EYS: variants seen among roughly 807,000 people sequenced by gnomAD.
EYS encodes the protein EGF-like photoreceptor maintenance factor.
A neutral mutation model predicts 282.1 loss-of-function variants in EYS; 250 were observed. The ratio of observed to expected loss-of-function variants is 0.89; its 90% CI spans 0.80 to 0.98. The LOEUF (loss-of-function observed/expected upper bound fraction) is 0.98, where lower values mean the gene tolerates loss of function less well. Among genes scored for constraint, EYS ranks in the 50% least tolerant of loss-of-function variants. EYS has a pLI of 0.00. For missense variants in EYS, 4,016 were observed against 3,709.0 expected (o/e 1.08, Z -2.15); for synonymous variants, 1,355 against 1,282.9 (o/e 1.06, Z -1.20).
chr6:64,383,891 T>A (rs1772825757), intron 29 of EYS, among the ~76,000 whole-genome samples: 1 of 152,164 alleles, frequency 6.6e-6, no homozygotes, highest in African/African-American at 2.4e-5. Flanking sequence ...TTGACACGCA[T>A]CCTTTTACAG....
intron 35 of EYS, among the ~76,000 whole-genome samples, chr6:63,929,515 C>T (rs1423789841): frequency 6.6e-6 from 1 of 152,120 alleles, no homozygotes; most frequent in African/African-American, 2.4e-5. Flanking sequence ...ATTACTAAAC[C>T]CAGCATTTTG....
intron 36 of EYS, among the ~76,000 whole-genome samples, chr6:63,861,466 AG>A (rs1302115355): frequency 6.6e-6 from 1 of 152,222 alleles, no homozygotes; most frequent in Non-Finnish European, 1.5e-5. Flanking sequence ...GATACACAAA[AG>A]TCACTAGCCC....
intron 15 of EYS, among the ~76,000 whole-genome samples, chr6:64,937,269 G>A (rs1554219736): frequency 6.6e-6 from 1 of 151,330 alleles, no homozygotes; most frequent in Non-Finnish European, 1.5e-5. Context: ...GATATGAAAA[G>A]CAAAAGTGGC....
chr6:64,749,738 A>G lies in EYS; in HGVS notation c.3443+63640T>C, dbSNP rs546983566. On this transcript the variant is annotated intron_variant, in intron 22 of 42. Transcript: ENST00000503581. ...ATTTGAACAACTTGGACTAGAAACT[A>G]TGAACAGGAATCGATAGCCCAGGTT... 3.3e-5 allele frequency among the ~76,000 whole-genome samples: 5 copies of G among 152,316 alleles called. No homozygotes were observed. In the South Asian group the frequency reaches 1.0e-3, roughly 32 times the overall value.
At chr6:64,617,559 T>A (rs1459848500) in intron 23 of EYS, 26 bp from the exon 24 acceptor site, 15 of 1,310,270 alleles carry the variant, frequency 1.1e-5, no homozygotes, top group Non-Finnish European at 1.5e-5. Flanking sequence ...ACAAAGCAGA[T>A]ATGCAATTTT....
chr6:65,578,081 T>C (rs1233240200), intron 2 of EYS, among the ~76,000 whole-genome samples: 2 of 151,848 alleles, frequency 1.3e-5, no homozygotes, highest in Admixed American at 6.6e-5. Context: ...AATAGGGATA[T>C]ATCCAAAGAG....
At chr6:64,934,465 A>G (rs188081280) in intron 15 of EYS, among the ~76,000 whole-genome samples, 1 of 152,002 alleles carries the variant, frequency 6.6e-6, no homozygotes, top group East Asian at 1.9e-4. Flanking sequence ...GTTAATCATG[A>G]TAGTCAAACT....
At chr6:64,668,245 A>G (rs539074909) in intron 22 of EYS, among the ~76,000 whole-genome samples, 17 of 152,246 alleles carry the variant, frequency 1.1e-4, no homozygotes, top group Non-Finnish European at 2.2e-4. Flanking sequence ...AAAAGTGTTT[A>G]ATGATCAAAA....
intron 29 of EYS, among the ~76,000 whole-genome samples, chr6:64,382,869 G>A (rs984870597): frequency 6.6e-6 from 1 of 152,178 alleles, no homozygotes; most frequent in Non-Finnish European, 1.5e-5. Context: ...TAAAAAATGG[G>A]AAGAGTGGTG....
At chr6:64,557,235 CACACACA>C (rs1765262807) in intron 26 of EYS, among the ~76,000 whole-genome samples, 1 of 150,888 alleles carries the variant, frequency 6.6e-6, no homozygotes, top group Non-Finnish European at 1.5e-5. Flanking sequence ...CACACACACA[CACACACA>C]CACACACACA....
At chr6:65,231,159 T>A (rs545919162) in intron 12 of EYS, among the ~76,000 whole-genome samples, 2 of 145,754 alleles carry the variant, frequency 1.4e-5, no homozygotes, top group African/African-American at 5.0e-5. Flanking sequence ...ATATATACTT[T>A]TATATATATA....
chr6:65,345,241 A>G (rs1303429960), intron 9 of EYS, among the ~76,000 whole-genome samples: 3 of 151,850 alleles, frequency 2.0e-5, no homozygotes, highest in South Asian at 4.1e-4. Flanking sequence ...ACAGAAAATT[A>G]TGGCTATGTT....
intron 11 of EYS, among the ~76,000 whole-genome samples, chr6:65,301,267 G>A (rs1258469786): frequency 1.3e-5 from 2 of 152,012 alleles, no homozygotes; most frequent in South Asian, 2.2e-4. Flanking sequence ...AGGCCGAGGC[G>A]GGCAGATCAC....
intron 33 of EYS, among the ~76,000 whole-genome samples, chr6:64,013,673 T>C (rs73762530): frequency 0.081 from 12,348 of 152,114 alleles, 1,711 homozygotes; most frequent in African/African-American, 0.28. Context: ...CCTTTTTTTT[T>C]CCCTGAGAGA....
chr6:63,915,689 G>T (rs941690802), intron 35 of EYS, among the ~76,000 whole-genome samples: 2 of 152,166 alleles, frequency 1.3e-5, no homozygotes, highest in African/African-American at 4.8e-5. Flanking sequence ...GGTCAGAATA[G>T]CAACATTAAC....
chr6:63,919,925 T>C (rs1409382739), intron 35 of EYS, among the ~76,000 whole-genome samples: 3 of 152,206 alleles, frequency 2.0e-5, no homozygotes, highest in Admixed American at 2.0e-4. Flanking sequence ...TTCCACATAT[T>C]GGGATGTGTG....
intron 24 of EYS, among the ~76,000 whole-genome samples, chr6:64,606,601 T>C (rs1766944835): frequency 1.3e-5 from 2 of 152,120 alleles, no homozygotes; most frequent in African/African-American, 4.8e-5. Context: ...GCATCTTCAT[T>C]TTAGAACATT....
chr6:63,753,331 G>A (rs1769393243), intron 41 of EYS, among the ~76,000 whole-genome samples: 2 of 151,690 alleles, frequency 1.3e-5, no homozygotes, highest in Non-Finnish European at 2.9e-5. Context: ...CATTGATTAT[G>A]TACATGTGTC....
intron 30 of EYS, among the ~76,000 whole-genome samples, chr6:64,255,714 T>A (rs920083454): frequency 6.6e-6 from 1 of 152,030 alleles, no homozygotes; most frequent in Non-Finnish European, 1.5e-5. Context: ...TATGTGTAAG[T>A]GTGTGTATGT....
Sources: allele counts gnomAD v4.1 joint callset (sites outside exome capture counted in the v4.1 genomes callset), GRCh38; gene constraint gnomAD v4.1.1; transcripts MANE v1.5; gene names NCBI Gene and HGNC (gene_info 2026-07-23, HGNC 2026-07-21).